Variants in CACNB4 observed in about 807,000 individuals in gnomAD.
The protein encoded by CACNB4 is calcium voltage-gated channel auxiliary subunit beta 4, also known as voltage-dependent L-type calcium channel subunit beta-4.
CACNB4 carries 32 observed loss-of-function variants against 71.2 expected under a neutral mutation model. That is an observed-to-expected ratio of 0.45 (90% CI 0.34 to 0.60). The LOEUF is 0.60. CACNB4 is among the 20% of genes least tolerant of loss of function. The probability of loss-of-function intolerance (pLI) is 0.01; values close to 1 mark genes in which losing one functional copy is unlikely to be tolerated. For missense variants in CACNB4, 464 were observed against 647.9 expected (o/e 0.72, Z 3.08); for synonymous variants, 231 against 236.9 (o/e 0.97, Z 0.23).
At chr2:152,043,044 G>A (rs1684959656) in intron 2 of CACNB4, among the ~76,000 whole-genome samples, 4 of 152,220 alleles carry the variant, frequency 2.6e-5, no homozygotes, top group Middle Eastern at 3.4e-3. Flanking sequence ...GGCAACGTCA[G>A]GAAGTTACCC....
chr2:151,925,190 GCACT>G (rs1247385742), intron 2 of CACNB4, among the ~76,000 whole-genome samples: 1 of 152,178 alleles, frequency 6.6e-6, no homozygotes, highest in Non-Finnish European at 1.5e-5. Context: ...AAAGTTACCT[GCACT>G]CTAAGCTACT....
At chr2:151,870,269 C>G (rs550018690) in intron 8 of CACNB4, 1 of 703,030 alleles carries the variant, frequency 1.4e-6, no homozygotes, top group East Asian at 2.7e-5. Context: ...TACAGCAAAT[C>G]TTTGACCAGA....
At chr2:151,929,491 C>G (rs1412740695) in intron 2 of CACNB4, among the ~76,000 whole-genome samples, 2 of 152,278 alleles carry the variant, frequency 1.3e-5, no homozygotes, top group African/African-American at 2.4e-5. Flanking sequence ...AGTTTGAAAT[C>G]ATTAGCCTAT....
chr2:152,099,077 G>C (rs901234571), upstream of CACNB4: 2 of 1,125,326 alleles, frequency 1.8e-6, no homozygotes, highest in African/African-American at 1.7e-5. Context: ...CCGAGGCTGG[G>C]CTGCGGACGG....
intron 12 of CACNB4, among the ~76,000 whole-genome samples, chr2:151,848,955 A>C (rs1347256760): frequency 3.3e-5 from 5 of 152,224 alleles, no homozygotes; most frequent in Non-Finnish European, 7.3e-5. Flanking sequence ...GAAATAAAAA[A>C]ATGTAGTGTA....
At chr2:152,027,894 T>C (rs1446441206) in intron 2 of CACNB4, among the ~76,000 whole-genome samples, 1 of 147,112 alleles carries the variant, frequency 6.8e-6, no homozygotes, top group Non-Finnish European at 1.5e-5. Context: ...CCAGTTGCCC[T>C]TGAGGCTCTC....
chr2:151,936,897 T>A (rs1449272537), intron 2 of CACNB4, among the ~76,000 whole-genome samples: 1 of 152,244 alleles, frequency 6.6e-6, no homozygotes, highest in East Asian at 1.9e-4. Flanking sequence ...TGTTTCAAGA[T>A]TATAAATGCT....
intron 2 of CACNB4, among the ~76,000 whole-genome samples, chr2:151,998,065 G>GT (rs1309328532): frequency 3.9e-5 from 6 of 152,190 alleles, no homozygotes; most frequent in African/African-American, 1.4e-4. Flanking sequence ...GCTCATGTCT[G>GT]TAATCCCAGC....
intron 5 of CACNB4, among the ~76,000 whole-genome samples, chr2:151,875,886 GGC>G (rs2099846047): frequency 7.0e-6 from 1 of 142,810 alleles, no homozygotes; most frequent in Admixed American, 6.9e-5. Context: ...CGGCTGGCCG[GGC>G]AGAGGGGCTC....
intron 2 of CACNB4, among the ~76,000 whole-genome samples, chr2:152,055,094 C>T (rs904364829): frequency 3.3e-5 from 5 of 152,178 alleles, no homozygotes; most frequent in South Asian, 4.1e-4. Context: ...TCACCGTAAC[C>T]GCTGCCTCCC....
At chr2:152,097,419 G>T (rs996986710) in intron 2 of CACNB4, among the ~76,000 whole-genome samples, 1 of 152,096 alleles carries the variant, frequency 6.6e-6, no homozygotes, top group Non-Finnish European at 1.5e-5. Context: ...CTCTTGGTGC[G>T]ATGACCAATG....
At chr2:152,094,864 A>T (rs1486967525) in intron 2 of CACNB4, among the ~76,000 whole-genome samples, 1 of 152,208 alleles carries the variant, frequency 6.6e-6, no homozygotes, top group Non-Finnish European at 1.5e-5. Flanking sequence ...AGAAAATTCT[A>T]TGGCCTCATT....
At chr2:152,082,497 C>A (rs148356415) in intron 2 of CACNB4, among the ~76,000 whole-genome samples, 244 of 152,314 alleles carry the variant, frequency 1.6e-3, no homozygotes, top group African/African-American at 5.7e-3. Flanking sequence ...GCCTGCAGAA[C>A]CCTCAGACCT....
chr2:151,964,847 C>T (rs2099870644), intron 2 of CACNB4, among the ~76,000 whole-genome samples: 1 of 152,144 alleles, frequency 6.6e-6, no homozygotes, highest in Non-Finnish European at 1.5e-5. Flanking sequence ...AATGTCTACC[C>T]AGCCTTCCTT....
intron 2 of CACNB4, among the ~76,000 whole-genome samples, chr2:152,080,357 G>A (rs369461727): frequency 1.4e-4 from 21 of 152,124 alleles, no homozygotes; most frequent in East Asian, 1.9e-4. Flanking sequence ...TCCTGACCTC[G>A]TGATCCCCCT....
intron 2 of CACNB4, among the ~76,000 whole-genome samples, chr2:151,979,028 C>G (rs1475660910): frequency 1.3e-5 from 2 of 152,152 alleles, no homozygotes; most frequent in African/African-American, 4.8e-5. Flanking sequence ...CGCTCTCCCA[C>G]TGGCCTCCTC....
At chr2:151,875,945 C>T (rs2099846079) in intron 5 of CACNB4, among the ~76,000 whole-genome samples, 1 of 131,270 alleles carries the variant, frequency 7.6e-6, no homozygotes, top group Non-Finnish European at 1.7e-5. Context: ...CCTCACCTCC[C>T]GGACGGGGCG....
intron 2 of CACNB4, among the ~76,000 whole-genome samples, chr2:151,894,694 A>C (rs2099851567): frequency 6.6e-6 from 1 of 152,208 alleles, no homozygotes; most frequent in Non-Finnish European, 1.5e-5. Context: ...TAGAACTGAT[A>C]AACAAATTCA....
At chr2:151,928,796 T>C (rs942640434) in intron 2 of CACNB4, among the ~76,000 whole-genome samples, 2 of 151,786 alleles carry the variant, frequency 1.3e-5, no homozygotes, top group Non-Finnish European at 1.5e-5. Flanking sequence ...TGGTGGTATG[T>C]GCCGGTGGTC....
Sources: allele counts gnomAD v4.1 joint callset (sites outside exome capture counted in the v4.1 genomes callset), GRCh38; gene constraint gnomAD v4.1.1; transcripts MANE v1.5; gene names NCBI Gene and HGNC (gene_info 2026-07-23, HGNC 2026-07-21).